The following RPUSD1 variants were observed in gnomAD, a reference collection of about 807,000 sequenced individuals.
RPUSD1 encodes the protein pseudouridylate synthase RPUSD1.
Under a neutral mutation model 22.4 loss-of-function variants are expected in RPUSD1, and 28 were observed. That is an observed-to-expected ratio of 1.25 (90% CI 0.93 to 1.72). The LOEUF (loss-of-function observed/expected upper bound fraction) is 1.72, where lower values mean the gene tolerates loss of function less well. Among genes scored for constraint, RPUSD1 ranks in the 40% most tolerant of loss-of-function variants. RPUSD1 has a pLI of 0.00. For missense variants in RPUSD1, 596 were observed against 442.2 expected (o/e 1.35, Z -3.12); for synonymous variants, 298 against 201.0 (o/e 1.48, Z -4.08).
chr16:786,616 G>A (rs1200306940), intron 5 of RPUSD1: 10 of 734,674 alleles, frequency 1.4e-5, no homozygotes, highest in Admixed American at 2.0e-5. Flanking sequence ...GAGAATCTAG[G>A]CCAGCCAGAC....
rs1454481984 is a variant in RPUSD1 at position 785,903 on chromosome 16, A to G, written c.*47T>C. 1 of 1,393,398 alleles carries G rather than the reference A, an allele frequency of 7.2e-7. No homozygotes were observed. Among genetic ancestry groups the G allele is most frequent in the Non-Finnish European group, 9.4e-7 (1 of 1,068,424 alleles). The allele number at this position is 1,393,398 out of a possible 1,614,324, so 86.3% of individuals were successfully genotyped here. On this transcript the variant is annotated 3_prime_UTR_variant, in exon 6 of 6. Coordinates refer to ENST00000007264, the MANE Select transcript of RPUSD1 (RefSeq NM_058192.3). ...CAGACGCTCGCTCGCCCATCTCCCT[A>G]GAGTCCCGCTGTGCAGCTGACACCC...
In RPUSD1 at chr16:787,624, CAG is replaced by C; in HGVS notation, c.112_113del (p.Leu38AspfsTer17). The stretch of plus-strand genomic sequence containing the variant: ...GGTACCGCAGCTGCTTCTGCAGGGT[CAG>C]AGTCTCCCGCCACGCCTTGCTGTCA... ...RIDSKAWRET[L>X]TLQKQLRYRF... On this transcript the variant is annotated frameshift_variant, in exon 2 of 6. Coordinates refer to ENST00000007264, the MANE Select transcript of RPUSD1 (RefSeq NM_058192.3). LOFTEE classifies it high-confidence loss of function. 1.2e-6 allele frequency: 2 copies of C among 1,611,962 alleles called. No homozygotes were observed. Among genetic ancestry groups the C allele is most frequent in the Admixed American group, 1.7e-5 (1 of 60,020 alleles).
intron 5 of RPUSD1, 128 bp downstream of exon 5, chr16:786,699 G>A (rs531834195): frequency 3.8e-5 from 32 of 839,722 alleles, no homozygotes; most frequent in South Asian, 5.4e-5. Flanking sequence ...AGGGCGTGGA[G>A]TTAAGAACGC....
Position 787,576 on chromosome 16 carries a change from A to G in RPUSD1, c.162T>C (p.Pro54=), listed in dbSNP as rs1276346141. The G allele has an allele frequency of 6.2e-7, 1 of 1,610,988 alleles. No individual in the cohort carries two copies. Among genetic ancestry groups the G allele is most frequent in the Non-Finnish European group, 8.5e-7 (1 of 1,179,822 alleles). Residue 54 remains proline (P), a synonymous_variant, in exon 2 of 6, where the codon CCT becomes CCC. Transcript: ENST00000007264. Reference sequence around the variant, plus strand: ...CCTACCTGAACCCGTAGCAGGTGTCAGGGTCGGCCAGCTCGGGAAAGCGGT... The same window carrying G: ...CCTACCTGAACCCGTAGCAGGTGTCGGGGTCGGCCAGCTCGGGAAAGCGGT... ...LRYRFPELAD[P]DTCYGFRFCH...
chr16:786,583 G>A (rs1020260221), intron 5 of RPUSD1: 6 of 746,286 alleles, frequency 8.0e-6, no homozygotes, highest in East Asian at 2.7e-5. Flanking sequence ...GTGAGGACAG[G>A]GCCAGGGTGG....
In RPUSD1 at chr16:787,438, C is replaced by A. The variant is rs774147173; in HGVS notation, c.222G>T (p.Leu74=). ...CGGCTGCCTTGTTTAGGGCCACGCA[C>A]AGCGCCCCGCTGGTGGAGAAATCCA... The part of the protein sequence containing the change: ...HQLDFSTSGA[L]CVALNKAAAG... Residue 74 remains leucine, a synonymous_variant, in exon 3 of 6, where the codon CTG becomes CTT. Coordinates refer to ENST00000007264, the MANE Select transcript of RPUSD1 (RefSeq NM_058192.3). 6.3e-7 allele frequency: 1 copy of A among 1,582,746 alleles called. No homozygotes were observed. Among genetic ancestry groups the A allele is most frequent in the East Asian group, 2.3e-5 (1 of 42,694 alleles).
chr16:785,078 A>G lies in RPUSD1; in HGVS notation c.*872T>C, dbSNP rs545335133. ...GGACAGAGGAGGTGGGACCTGGCAG[A>G]CCCACAGCTCCCAAGCTGGGGTCCC... is the stretch of plus-strand genomic sequence containing the variant. On this transcript the variant is annotated 3_prime_UTR_variant, in exon 6 of 6. Transcript: ENST00000007264. The G allele has an allele frequency of 3.3e-5, 5 of 152,446 alleles. No individual in the cohort carries two copies. The East Asian group carries it at 9.7e-4, about 29-fold the overall frequency. 9.4% of individuals were successfully genotyped at this position (152,446 alleles called of 1,614,324 possible). A position where few individuals can be genotyped will look rare whatever the true frequency, so the allele number is the denominator to read the frequency against.
chr16:786,048 G>T lies in RPUSD1; in HGVS notation c.841C>A (p.Arg281=). The T allele has an allele frequency of 1.3e-6, 2 of 1,521,866 alleles. No individual in the cohort carries two copies. Among genetic ancestry groups the T allele is most frequent in the Non-Finnish European group, 1.8e-6 (2 of 1,136,108 alleles). The allele number at this position is 1,521,866 out of a possible 1,614,324, so 94.3% of individuals were successfully genotyped here. A position where few individuals can be genotyped will look rare whatever the true frequency, so the allele number is the denominator to read the frequency against. Residue 281 remains arginine, a synonymous_variant, in exon 6 of 6, where the codon CGG becomes AGG. Coordinates refer to ENST00000007264, the MANE Select transcript of RPUSD1 (RefSeq NM_058192.3). The part of the protein sequence containing the change: ...SPSALLPGPG[R]PPPPPTKPPE... Reference sequence around the variant, plus strand: ...GGCTTGGTTGGGGGTGGAGGAGGCCGGCCGGGCCCAGGCAGGAGTGCGGAG... The same window carrying T: ...GGCTTGGTTGGGGGTGGAGGAGGCCTGCCGGGCCCAGGCAGGAGTGCGGAG...
rs551726430 is a variant in RPUSD1, at chr16:787,198, C to A, written c.307-19G>T. On this transcript the variant is annotated intron_variant, in intron 3 of 5. Coordinates refer to ENST00000007264, the MANE Select transcript of RPUSD1 (RefSeq NM_058192.3). Reference sequence around the variant, plus strand: ...CCCGCAGCTGCAGGAGAGGGAGAATCGCACGCAGTTCACGGGGCAGCCCAG... The same window carrying A: ...CCCGCAGCTGCAGGAGAGGGAGAATAGCACGCAGTTCACGGGGCAGCCCAG... 5.0e-6 allele frequency: 8 copies of A among 1,591,030 alleles called. No homozygotes were observed. The Admixed American group carries it at 8.5e-5, about 17-fold the overall frequency.
rs376043010 is a variant in RPUSD1, at chr16:786,171, G to A, written c.718C>T (p.Pro240Ser). The stretch of plus-strand genomic sequence containing the variant: ...TCCAGCGACTGCAGCAGTGTGTGGG[G>A]GCTCCAGCAGGCATCCAGGGAGGGC... ...FLPSLDACWS[P>S]HTLLQSLDQL... Residue 240 changes from proline to serine, a missense_variant, in exon 6 of 6, where the codon CCC (proline) becomes TCC (serine). Physicochemically the swap from Pro to Ser is moderately conservative, Grantham distance 74. Transcript: ENST00000007264. 13 of 1,612,380 alleles carry A rather than the reference G, an allele frequency of 8.1e-6. No individual in the cohort carries two copies. Among genetic ancestry groups the A allele is most frequent in the Middle Eastern group, 1.6e-4 (1 of 6,082 alleles).
At chr16:787,778 G>C in intron 1 of RPUSD1, 34 bp from the exon 2 acceptor site, 1 of 1,592,036 alleles carries the variant, frequency 6.3e-7, no homozygotes, top group South Asian at 1.1e-5. Context: ...TGTGCTGTGA[G>C]CACGTGGTGC....
At position 786,139 on chromosome 16, in the gene RPUSD1, G is replaced by A. The variant is rs187510850; in HGVS notation, c.750C>T (p.Leu250=). The change falls in exon 6 of 6, where the codon CTC becomes CTT. Residue 250 remains leucine (L), a synonymous_variant. Coordinates refer to ENST00000007264, the MANE Select transcript of RPUSD1 (RefSeq NM_058192.3). ...PHTLLQSLDQ[L]VQALRATPDP... is the part of the protein sequence containing the mutation. ...CGGGGGTGGCCCGTAAGGCCTGCAC[G>A]AGCTGGTCCAGCGACTGCAGCAGTG... 7.2e-5 allele frequency: 116 copies of A among 1,608,358 alleles called. No homozygotes were observed. In the East Asian group the frequency reaches 2.1e-3, roughly 29 times the overall value.
chr16:788,082 G>T (rs1317470094), intron 1 of RPUSD1, 174 bp downstream of exon 1: 2 of 486,654 alleles, frequency 4.1e-6, no homozygotes, highest in Non-Finnish European at 7.7e-6. Flanking sequence ...GTGGGGGCGG[G>T]GAGGGGCTGC....
rs8057257 is a variant in RPUSD1, at chr16:788,329, G to A, written c.-81C>T. 1,276 of 219,866 alleles carry A rather than the reference G, an allele frequency of 5.8e-3. 19 individuals are homozygous for A. Among genetic ancestry groups the A allele is most frequent in the African/African-American group, 0.029 (1,208 of 41,688 alleles). 13.6% of individuals were successfully genotyped at this position (219,866 alleles called of 1,614,324 possible). A position where few individuals can be genotyped will look rare whatever the true frequency, so the allele number is the denominator to read the frequency against. Reference sequence around the variant, plus strand: ...GGCTCCAGCCGCGCGCCCGCGCGCTGGCGACCCAGAGACCCTGGAAGCTCC... The same window carrying A: ...GGCTCCAGCCGCGCGCCCGCGCGCTAGCGACCCAGAGACCCTGGAAGCTCC... On this transcript the variant is annotated 5_prime_UTR_variant, in exon 1 of 6. Coordinates refer to ENST00000007264, the MANE Select transcript of RPUSD1 (RefSeq NM_058192.3).
In RPUSD1 at chr16:786,934, G is replaced by A; in HGVS notation, c.410-6C>T. On this transcript the variant is annotated splice_polypyrimidine_tract_variant and splice_region_variant and intron_variant, in intron 4 of 5. Transcript: ENST00000007264. ...TGGCTTTGGGTTCTCACAACCTGGGGCGCAGAAGGCAGGTGTGAGGTTAGT... is the reference window on the plus strand; with the variant it reads ...TGGCTTTGGGTTCTCACAACCTGGGACGCAGAAGGCAGGTGTGAGGTTAGT... 10 of 1,612,142 alleles carry A rather than the reference G, an allele frequency of 6.2e-6. No homozygotes were observed. Among genetic ancestry groups the A allele is most frequent in the Non-Finnish European group, 8.5e-6 (10 of 1,178,990 alleles).
rs1411877548 is a variant in RPUSD1, at chr16:787,624, C to CA, written c.113dup (p.Thr39AspfsTer17). The CA allele has an allele frequency of 6.2e-7, 1 of 1,611,962 alleles. No individual in the cohort carries two copies. Among genetic ancestry groups the CA allele is most frequent in the Non-Finnish European group, 8.5e-7 (1 of 1,179,972 alleles). On this transcript the variant is annotated frameshift_variant, in exon 2 of 6. Coordinates refer to ENST00000007264, the MANE Select transcript of RPUSD1 (RefSeq NM_058192.3). LOFTEE classifies it high-confidence loss of function. ...GGTACCGCAGCTGCTTCTGCAGGGT[C>CA]AGAGTCTCCCGCCACGCCTTGCTGT...
In RPUSD1 at chr16:787,387, C is replaced by T. The variant is rs983695403; in HGVS notation, c.273G>A (p.Lys91=). The T allele has an allele frequency of 6.3e-7, 1 of 1,590,972 alleles. No homozygotes were observed. The highest frequency in any genetic ancestry group is 8.6e-7 in the Non-Finnish European group (1 of 1,169,066). The part of the protein sequence containing the change: ...AAAGSAYRCF[K]ERRVTKAYLA... The stretch of plus-strand genomic sequence containing the variant: ...GGTAAGCCTTGGTCACGCGCCGCTC[C>T]TTGAAGCACCTGTACGCGCTGCCGG... The change falls in exon 3 of 6, where the codon AAG becomes AAA. Residue 91 remains lysine (K), a synonymous_variant. Transcript: ENST00000007264.
intron 1 of RPUSD1, 35 bp downstream of exon 1, chr16:788,221 G>T: frequency 5.1e-6 from 2 of 395,620 alleles, no homozygotes; most frequent in East Asian, 1.2e-4. Context: ...CTGGCTCCGA[G>T]CCCCTCCCGC....
chr16:786,878 C>T lies in RPUSD1; in HGVS notation c.460G>A (p.Gly154Arg), dbSNP rs767938884. 109 of 1,613,214 alleles carry T rather than the reference C, an allele frequency of 6.8e-5. No homozygotes were observed. The highest frequency in any genetic ancestry group is 1.6e-4 in the Middle Eastern group (1 of 6,084). ...SLTDLVVLEH[G>R]LYAGDPVSKV... The stretch of plus-strand genomic sequence containing the variant: ...GAGACAGGATCGCCTGCGTACAGCC[C>T]GTGTTCCAGAACCACGAGATCTGTG... Residue 154 changes from glycine (G) to arginine (R), a missense_variant, in exon 5 of 6, where the codon GGG becomes AGG. Gly to Arg is a moderately radical substitution (Grantham distance 125, BLOSUM62 -2). Transcript: ENST00000007264.
Sources: gnomAD v4.1 joint callset for allele counts on GRCh38, gnomAD v4.1.1 for gene constraint, MANE v1.5 for transcripts, NCBI Gene and HGNC (gene_info 2026-07-23, HGNC 2026-07-21) for gene names.